The following CDH12 variants were observed in gnomAD, a reference collection of about 807,000 sequenced individuals.
CDH12 encodes cadherin 12.
CDH12 carries 41 observed loss-of-function variants against 74.1 expected under a neutral mutation model. The observed-to-expected ratio is 0.55, with a 90% CI of 0.43 to 0.72. The LOEUF (loss-of-function observed/expected upper bound fraction) is 0.72, where lower values mean the gene tolerates loss of function less well. CDH12 is among the 30% of genes least tolerant of loss of function. The pLI, the probability that CDH12 is intolerant of heterozygous loss-of-function variation, is 0.00. For missense variants in CDH12, 945 were observed against 977.2 expected (o/e 0.97, Z 0.44); for synonymous variants, 399 against 355.0 (o/e 1.12, Z -1.39).
rs1752925415 is a variant in CDH12, at chr5:22,245,824, A to G, written c.-332-33181T>C. 2.6e-5 allele frequency among the ~76,000 whole-genome samples: 4 copies of G among 152,108 alleles called. No individual in the cohort carries two copies. The South Asian group carries it at 8.3e-4, about 32-fold the overall frequency. ...GCATATGTGTGTGGACTTTAGATAA[A>G]TAGTAGCTCCACACCAGAGAAATTG... On this transcript the variant is annotated intron_variant, in intron 3 of 14. Transcript: ENST00000382254.
rs930879327 is a variant in CDH12, at chr5:22,081,140, C to T, written c.-186-2278G>A. On this transcript the variant is annotated intron_variant, in intron 4 of 14. Coordinates refer to ENST00000382254, the MANE Select transcript of CDH12 (RefSeq NM_004061.5). ...ACATTTGATATGCAACTCACATTTA[C>T]ATTTTGAATTATTTTCAATTGGACA... is the stretch of plus-strand genomic sequence containing the variant. Among the ~76,000 whole-genome samples the T allele has an allele frequency of 5.9e-5, 9 of 152,192 alleles. No homozygotes were observed. In the South Asian group the frequency reaches 1.9e-3, roughly 32 times the overall value.
At chr5:21,794,519 A>G (rs1049653366) in intron 10 of CDH12, among the ~76,000 whole-genome samples, 1 of 151,700 alleles carries the variant, frequency 6.6e-6, no homozygotes, top group Non-Finnish European at 1.5e-5. Flanking sequence ...TCTAAATTCT[A>G]CATCTCCTTT....
intron 9 of CDH12, among the ~76,000 whole-genome samples, chr5:21,805,790 C>T (rs1356164240): frequency 6.6e-6 from 1 of 152,118 alleles, no homozygotes; most frequent in Non-Finnish European, 1.5e-5. Flanking sequence ...GGATTAGTTT[C>T]AGTGCTAGAA....
At chr5:22,771,840 C>T (rs1471988458) in intron 1 of CDH12, among the ~76,000 whole-genome samples, 2 of 152,056 alleles carry the variant, frequency 1.3e-5, no homozygotes, top group African/African-American at 4.8e-5. Flanking sequence ...TGCTGGACTA[C>T]TCTGTAGACT....
At position 21,869,010 on chromosome 5, in the gene CDH12, C is replaced by T. The variant is rs373328938; in HGVS notation, c.527-14220G>A. Among the ~76,000 whole-genome samples, 48 of 152,188 alleles carry T rather than the reference C, an allele frequency of 3.2e-4. No individual in the cohort carries two copies. The East Asian group carries it at 7.0e-3, about 22-fold the overall frequency. On this transcript the variant is annotated intron_variant, in intron 6 of 14. Coordinates refer to ENST00000382254, the MANE Select transcript of CDH12 (RefSeq NM_004061.5). The stretch of plus-strand genomic sequence containing the variant: ...CTCTGCTGGCCTGCAGGTCTTAGTT[C>T]CAGAGAAAGGAATGCTTCCACCATG...
chr5:22,756,093 G>A (rs1308325395), intron 1 of CDH12, among the ~76,000 whole-genome samples: 50 of 119,390 alleles, frequency 4.2e-4, no homozygotes, highest in Middle Eastern at 5.9e-3. Flanking sequence ...CTAACTTCAA[G>A]GACCGAAAAA....
chr5:22,275,416 ATT>A (rs1338966156), intron 3 of CDH12, among the ~76,000 whole-genome samples: 1 of 152,252 alleles, frequency 6.6e-6, no homozygotes, highest in East Asian at 1.9e-4. Context: ...CTCACATTTA[ATT>A]TTTTAGTGAA....
intron 2 of CDH12, among the ~76,000 whole-genome samples, chr5:22,439,035 G>C (rs1744517565): frequency 6.6e-6 from 1 of 151,714 alleles, no homozygotes; most frequent in South Asian, 2.1e-4. Flanking sequence ...ATTGGACATC[G>C]CTTGTGTCTA....
intron 1 of CDH12, among the ~76,000 whole-genome samples, chr5:22,592,922 A>G (rs1580798446): frequency 6.7e-6 from 1 of 150,032 alleles, no homozygotes; most frequent in Non-Finnish European, 1.5e-5. Flanking sequence ...CCCAGCTACT[A>G]GGGAGGCAGA....
At chr5:22,073,567 GTTAAT>G (rs1742100257) in intron 5 of CDH12, among the ~76,000 whole-genome samples, 2 of 152,068 alleles carry the variant, frequency 1.3e-5, no homozygotes, top group African/African-American at 2.4e-5. Context: ...TGCAGATAAA[GTTAAT>G]TTATTTCTTA....
At chr5:22,618,021 G>A (rs1034428510) in intron 1 of CDH12, among the ~76,000 whole-genome samples, 21 of 152,042 alleles carry the variant, frequency 1.4e-4, no homozygotes, top group African/African-American at 4.6e-4. Flanking sequence ...ACTGAGAATC[G>A]GAAGTCAACC....
intron 1 of CDH12, among the ~76,000 whole-genome samples, chr5:22,695,569 A>C (rs912228887): frequency 6.6e-6 from 1 of 152,228 alleles, no homozygotes; most frequent in Non-Finnish European, 1.5e-5. Context: ...GCATATGCAG[A>C]AAACAGACAT....
intron 5 of CDH12, among the ~76,000 whole-genome samples, chr5:22,000,439 TGTAA>T (rs1396614067): frequency 1.3e-5 from 2 of 152,142 alleles, no homozygotes; most frequent in Non-Finnish European, 1.5e-5. Flanking sequence ...AAGCTATATG[TGTAA>T]GTCTCAGAAA....
At chr5:22,466,297 T>C (rs1745725312) in intron 2 of CDH12, among the ~76,000 whole-genome samples, 1 of 152,198 alleles carries the variant, frequency 6.6e-6, no homozygotes, top group Non-Finnish European at 1.5e-5. Context: ...TGTTTTTTGT[T>C]TGCTTGTTTG....
chr5:21,916,800 T>G (rs1330989743), intron 6 of CDH12, among the ~76,000 whole-genome samples: 1 of 152,222 alleles, frequency 6.6e-6, no homozygotes, highest in Non-Finnish European at 1.5e-5. Flanking sequence ...AGCAGGCTCC[T>G]AGGAGATACC....
intron 1 of CDH12, among the ~76,000 whole-genome samples, chr5:22,577,422 A>G (rs754678657): frequency 2.0e-4 from 30 of 152,210 alleles, no homozygotes; most frequent in Non-Finnish European, 3.2e-4. Flanking sequence ...TCCAGATATT[A>G]CATAGTGGTG....
rs562229354 is a variant in CDH12 at position 22,403,787 on chromosome 5, G to T, written c.-333+1470C>A. Among the ~76,000 whole-genome samples the T allele has an allele frequency of 5.9e-5, 9 of 152,270 alleles. No individual in the cohort carries two copies. The South Asian group carries it at 1.2e-3, about 21-fold the overall frequency. Reference sequence around the variant, plus strand: ...ACTGAGAAATGTGTTGCAGTAGTAAGACATTGTATTTCAGGCTTAGATATC... The same window carrying T: ...ACTGAGAAATGTGTTGCAGTAGTAATACATTGTATTTCAGGCTTAGATATC... On this transcript the variant is annotated intron_variant, in intron 3 of 14. Coordinates refer to ENST00000382254, the MANE Select transcript of CDH12 (RefSeq NM_004061.5).
In CDH12 at chr5:21,826,450, G is replaced by A. The variant is rs1252396825; in HGVS notation, c.815-9318C>T. 2.6e-5 allele frequency among the ~76,000 whole-genome samples: 4 copies of A among 152,080 alleles called. No individual in the cohort carries two copies. In the East Asian group the frequency reaches 5.8e-4, roughly 22 times the overall value. On this transcript the variant is annotated intron_variant, in intron 8 of 14. Transcript: ENST00000382254. ...TAAAATCACTCAAATCTGTTGACAC[G>A]CTACCATTTTTCACAATGGCCCTGG...
chr5:22,044,489 T>A (rs1249535385), intron 5 of CDH12, among the ~76,000 whole-genome samples: 1 of 152,098 alleles, frequency 6.6e-6, no homozygotes, highest in African/African-American at 2.4e-5. Context: ...GAGTGAGAAC[T>A]CACTCACTGT....
Sources: allele counts gnomAD v4.1 joint callset (sites outside exome capture counted in the v4.1 genomes callset), GRCh38; gene constraint gnomAD v4.1.1; transcripts MANE v1.5; gene names NCBI Gene and HGNC (gene_info 2026-07-23, HGNC 2026-07-21).